Variants in TMLHE observed in about 807,000 individuals in gnomAD.
The protein encoded by TMLHE is trimethyllysine hydroxylase, epsilon.
Under a neutral mutation model 25.7 loss-of-function variants are expected in TMLHE, and 18 were observed. That is an observed-to-expected ratio of 0.70 (90% CI 0.48 to 1.04). The LOEUF is 1.04. Ranked by LOEUF, TMLHE falls within the 50% of genes least tolerant of loss-of-function variation. The probability of loss-of-function intolerance (pLI) is 0.00; values close to 1 mark genes in which losing one functional copy is unlikely to be tolerated. For missense variants in TMLHE, 236 were observed against 259.0 expected, an observed-to-expected ratio of 0.91 and a Z score of 0.61; for synonymous variants, 105 against 97.0, an observed-to-expected ratio of 1.08 and a Z score of -0.49.
At position 155,560,398 on chromosome X, in the gene TMLHE, A is replaced by AAGTCTTGC. The variant is rs1322983989; in HGVS notation, c.-1-15129_-1-15122dup. ...TATACCAGTGAACAAAGAAGACAAAAAGTCTTGCTTTCAAGTTTATCTTCT... is the reference window on the plus strand; with the variant it reads ...TATACCAGTGAACAAAGAAGACAAAAAGTCTTGCAGTCTTGCTTTCAAGTTTATCTTCT... On this transcript the variant is annotated intron_variant, in intron 1 of 7. Transcript: ENST00000334398. Among the ~76,000 whole-genome samples the AAGTCTTGC allele has an allele frequency of 6.5e-4, 72 of 110,098 alleles. 2 individuals carry two copies. Among genetic ancestry groups the AAGTCTTGC allele is most frequent in the Non-Finnish European group, 1.5e-4 (8 of 52,618 alleles).
At chrX:155,506,073 C>A (rs1332071410) in intron 6 of TMLHE, among the ~76,000 whole-genome samples, 9 of 110,793 alleles carry the variant, frequency 8.1e-5, no homozygotes, top group African/African-American at 2.0e-4. Context: ...TCATACAGAA[C>A]CTTAAAAGCC....
At chrX:155,542,365 G>T (rs979265492) in intron 2 of TMLHE, among the ~76,000 whole-genome samples, 1 of 111,390 alleles carries the variant, frequency 9.0e-6, no homozygotes, top group South Asian at 3.7e-4. Flanking sequence ...TCAAAGAAAG[G>T]TACAAATAAA....
At chrX:155,576,084 T>A (rs188550826) in intron 1 of TMLHE, among the ~76,000 whole-genome samples, 4 of 111,533 alleles carry the variant, frequency 3.6e-5, no homozygotes, top group African/African-American at 1.3e-4. Context: ...TATATAATTC[T>A]ATACCTAGAA....
intron 1 of TMLHE, among the ~76,000 whole-genome samples, chrX:155,580,787 A>C (rs1306169062): frequency 9.0e-6 from 1 of 111,638 alleles, no homozygotes; most frequent in East Asian, 2.8e-4. Flanking sequence ...TATTCCAATC[A>C]ATAGAAAAAG....
In TMLHE at chrX:155,506,882, G is replaced by A; in HGVS notation, c.995+16C>T. 1 of 1,183,531 alleles carries A rather than the reference G, an allele frequency of 8.4e-7. No homozygotes were observed. The highest frequency in any genetic ancestry group is 1.1e-6 in the Non-Finnish European group (1 of 870,334). On this transcript the variant is annotated intron_variant, in intron 6 of 7. Coordinates refer to ENST00000334398, the MANE Select transcript of TMLHE (RefSeq NM_018196.4). ...GGCAAATATATTACAGTTGGGGATA[G>A]TTCTTTGATACTCACCTGATCAAAT...
intron 6 of TMLHE, among the ~76,000 whole-genome samples, chrX:155,506,338 A>G (rs1160235188): frequency 9.0e-6 from 1 of 111,522 alleles, no homozygotes; most frequent in Non-Finnish European, 1.9e-5. Context: ...GTTGTGTAAT[A>G]TAAGGGAGAG....
chrX:155,544,921 A>G (rs782103466), intron 2 of TMLHE, among the ~76,000 whole-genome samples, 175 bp downstream of exon 2: 2 of 112,329 alleles, frequency 1.8e-5, no homozygotes, highest in South Asian at 7.4e-4. Context: ...CACAAAAGGT[A>G]TTTATCATTG....
intron 1 of TMLHE, among the ~76,000 whole-genome samples, chrX:155,573,387 A>C (rs2067569170): frequency 1.8e-5 from 1 of 56,207 alleles, no homozygotes; most frequent in Non-Finnish European, 4.6e-5. Context: ...CGTTGGTGGG[A>C]CTGTAAACTA....
intron 2 of TMLHE, among the ~76,000 whole-genome samples, chrX:155,541,774 A>C (rs1368261131): frequency 1.8e-5 from 2 of 111,321 alleles, no homozygotes; most frequent in Non-Finnish European, 3.8e-5. Context: ...TATGGTTTTG[A>C]TTTGCATTTT....
At chrX:155,513,321 G>T (rs1241789013) in intron 4 of TMLHE, among the ~76,000 whole-genome samples, 1 of 111,477 alleles carries the variant, frequency 9.0e-6, no homozygotes, top group African/African-American at 3.3e-5. Flanking sequence ...AGGAAACCTG[G>T]GCTATTTGAA....
intron 1 of TMLHE, among the ~76,000 whole-genome samples, chrX:155,570,081 C>A (rs1373505387): frequency 1.8e-5 from 1 of 55,791 alleles, no homozygotes; most frequent in African/African-American, 4.3e-5. Context: ...GTGCTGTATT[C>A]AGGAAACCCA....
At chrX:155,548,066 T>A (rs1453581105) in intron 1 of TMLHE, among the ~76,000 whole-genome samples, 1 of 111,843 alleles carries the variant, frequency 8.9e-6, no homozygotes, top group Non-Finnish European at 1.9e-5. Context: ...ATGAGACCCC[T>A]ACCTCTTGCC....
intron 1 of TMLHE, among the ~76,000 whole-genome samples, chrX:155,568,559 G>A (rs1360292231): frequency 9.6e-5 from 6 of 62,493 alleles, no homozygotes; most frequent in African/African-American, 2.1e-4. Context: ...CCTGACCCCC[G>A]AGCAGCCTAA....
intron 1 of TMLHE, among the ~76,000 whole-genome samples, chrX:155,551,580 G>A (rs1457307950): frequency 1.8e-5 from 2 of 109,901 alleles, no homozygotes; most frequent in East Asian, 5.7e-4. Context: ...ATAAGTTAGA[G>A]AATGTTACCT....
At chrX:155,593,210 G>A (rs1208132498) in intron 1 of TMLHE, among the ~76,000 whole-genome samples, 1 of 111,889 alleles carries the variant, frequency 8.9e-6, no homozygotes, top group African/African-American at 3.2e-5. Flanking sequence ...AATACACCCT[G>A]TGATCCAGCC....
rs782243645 is a variant in TMLHE, at chrX:155,506,685, C to T, written c.995+213G>A. ...AAAAATACTACCTCTAATATTTGACCCCACCCCTAAAATAAACCTAGTATT... is the reference window on the plus strand; with the variant it reads ...AAAAATACTACCTCTAATATTTGACTCCACCCCTAAAATAAACCTAGTATT... On this transcript the variant is annotated intron_variant, in intron 6 of 7. Transcript: ENST00000334398. 4.5e-5 allele frequency among the ~76,000 whole-genome samples: 5 copies of T among 110,200 alleles called. No homozygotes were observed. In the South Asian group the frequency reaches 1.6e-3, roughly 34 times the overall value.
chrX:155,556,308 GCCACACC>G (rs2067454667), intron 1 of TMLHE, among the ~76,000 whole-genome samples: 1 of 78,232 alleles, frequency 1.3e-5, no homozygotes, highest in African/African-American at 4.1e-5. Flanking sequence ...ACTCAGTCAT[GCCACACC>G]TGGACTTCTG....
chrX:155,510,122 T>C (rs984395235), intron 5 of TMLHE, among the ~76,000 whole-genome samples: 1 of 111,374 alleles, frequency 9.0e-6, no homozygotes, highest in Non-Finnish European at 1.9e-5. Context: ...AAACTAATGG[T>C]TAGGCAATAC....
chrX:155,524,346 A>C (rs2067206242), intron 3 of TMLHE, 110 bp downstream of exon 3: 3 of 696,779 alleles, frequency 4.3e-6, no homozygotes, highest in Non-Finnish European at 6.0e-6. Flanking sequence ...AACAAGAAAA[A>C]AAGAAAAGTA....
Sources: allele counts gnomAD v4.1 joint callset (sites outside exome capture counted in the v4.1 genomes callset), GRCh38; gene constraint gnomAD v4.1.1; transcripts MANE v1.5; gene names NCBI Gene and HGNC (gene_info 2026-07-23, HGNC 2026-07-21).